Variants in FIGN observed in about 807,000 individuals in gnomAD.
The protein encoded by FIGN is fidgetin.
Under a neutral mutation model 51.3 loss-of-function variants are expected in FIGN, and 11 were observed. That is an observed-to-expected ratio of 0.21 (90% CI 0.13 to 0.35). The LOEUF (loss-of-function observed/expected upper bound fraction) is 0.35. Ranked by LOEUF, FIGN falls within the 10% of genes least tolerant of loss-of-function variation. The pLI, the probability that FIGN is intolerant of heterozygous loss-of-function variation, is 1.00. For missense variants in FIGN, 857 were observed against 943.6 expected, an observed-to-expected ratio of 0.91 and a Z score of 1.20; for synonymous variants, 407 against 363.2, an observed-to-expected ratio of 1.12 and a Z score of -1.37.
intron 2 of FIGN, among the ~76,000 whole-genome samples, chr2:163,621,375 T>C (rs1199133415): frequency 1.3e-5 from 2 of 152,170 alleles, no homozygotes; most frequent in African/African-American, 4.8e-5. Context: ...CTGGGTGACA[T>C]AGTGCATTAA....
chr2:163,687,745 T>C (rs952931569), intron 2 of FIGN, among the ~76,000 whole-genome samples: 1 of 152,202 alleles, frequency 6.6e-6, no homozygotes, highest in African/African-American at 2.4e-5. Flanking sequence ...TTTATCCTAA[T>C]GCTAATTCAT....
intron 2 of FIGN, among the ~76,000 whole-genome samples, chr2:163,716,174 T>C (rs902636316): frequency 1.3e-5 from 2 of 152,210 alleles, no homozygotes; most frequent in African/African-American, 4.8e-5. Flanking sequence ...ATCAAGTTTT[T>C]AGGCAAATGT....
At chr2:163,686,391 T>C (rs1195979447) in intron 2 of FIGN, among the ~76,000 whole-genome samples, 1 of 152,142 alleles carries the variant, frequency 6.6e-6, no homozygotes, top group Non-Finnish European at 1.5e-5. Flanking sequence ...AGCTTTTCTG[T>C]GGCATGGCAG....
chr2:163,712,956 T>C (rs1374572069), intron 2 of FIGN, among the ~76,000 whole-genome samples: 1 of 152,206 alleles, frequency 6.6e-6, no homozygotes, highest in East Asian at 1.9e-4. Flanking sequence ...CATTTTCACC[T>C]CATGACAGAC....
intron 2 of FIGN, among the ~76,000 whole-genome samples, chr2:163,686,803 T>C (rs1342443774): frequency 6.7e-6 from 1 of 149,786 alleles, no homozygotes; most frequent in Admixed American, 6.7e-5. Flanking sequence ...CACATATATA[T>C]ATATTCTTTT....
At position 163,617,273 on chromosome 2, in the gene FIGN, A is replaced by G. The variant is rs1682894148; in HGVS notation, c.26-5467T>C. On this transcript the variant is annotated intron_variant, in intron 2 of 2. Coordinates refer to ENST00000333129, the MANE Select transcript of FIGN (RefSeq NM_018086.4). ...ATTTTGTTCCATCTTTAGAGGACCA[A>G]AATTAGAAGATTTTATAAGCTGAAT... The G allele has an allele frequency of 3.1e-6, 3 of 976,704 alleles. No homozygotes were observed. The Admixed American group carries it at 1.8e-4, about 60-fold the overall frequency. 60.5% of individuals were successfully genotyped at this position (976,704 alleles called of 1,614,324 possible). A position where few individuals can be genotyped will look rare whatever the true frequency, so the allele number is the denominator to read the frequency against.
In FIGN at chr2:163,610,870, A is replaced by G; in HGVS notation, c.962T>C (p.Phe321Ser). 2 of 1,614,000 alleles carry G rather than the reference A, an allele frequency of 1.2e-6. No individual in the cohort carries two copies. The highest frequency in any genetic ancestry group is 1.7e-6 in the Non-Finnish European group (2 of 1,179,986). The change falls in exon 3 of 3, where the codon TTC (phenylalanine) becomes TCC (serine). Residue 321 changes from phenylalanine (F) to serine (S), a missense_variant. This residue lies in a region of FIGN where 799 missense variants were observed against 849.5 expected (regional missense o/e 0.94). Coordinates refer to ENST00000333129, the MANE Select transcript of FIGN (RefSeq NM_018086.4). ...SSASSLKRKAFYMAGQGDMDS... is the reference protein window; with the variant it reads ...SSASSLKRKASYMAGQGDMDS... ...CATATCTCCTTGCCCTGCCATGTAG[A>G]AAGCTTTCCTTTTGAGAGAACTTGC...
chr2:163,661,643 G>T (rs1683685959), intron 2 of FIGN, among the ~76,000 whole-genome samples: 1 of 152,184 alleles, frequency 6.6e-6, no homozygotes, highest in Admixed American at 6.5e-5. Flanking sequence ...AACTTGAATT[G>T]TATCTTTCAG....
At chr2:163,712,577 A>G (rs1156678728) in intron 2 of FIGN, among the ~76,000 whole-genome samples, 1 of 152,216 alleles carries the variant, frequency 6.6e-6, no homozygotes, top group Non-Finnish European at 1.5e-5. Flanking sequence ...TAATACACGA[A>G]CACCTAAACT....
intron 2 of FIGN, among the ~76,000 whole-genome samples, chr2:163,732,288 C>T (rs1465002197): frequency 6.6e-6 from 1 of 151,970 alleles, no homozygotes; most frequent in East Asian, 1.9e-4. Context: ...ACAATAGAGA[C>T]GATGTGTACA....
chr2:163,628,429 C>G (rs1345080870), intron 2 of FIGN, among the ~76,000 whole-genome samples: 2 of 152,086 alleles, frequency 1.3e-5, no homozygotes, highest in Non-Finnish European at 2.9e-5. Context: ...GAAGATAGGA[C>G]AGAAGTATAT....
At chr2:163,714,348 A>G (rs1684636217) in intron 2 of FIGN, among the ~76,000 whole-genome samples, 1 of 152,176 alleles carries the variant, frequency 6.6e-6, no homozygotes, top group African/African-American at 2.4e-5. Context: ...AGTAAGCAGC[A>G]TGTTTCTGTC....
intron 2 of FIGN, among the ~76,000 whole-genome samples, chr2:163,733,237 G>C (rs552446980): frequency 6.6e-6 from 1 of 152,212 alleles, no homozygotes; most frequent in African/African-American, 2.4e-5. Flanking sequence ...AGACTTAAGA[G>C]GGGGGCAATT....
chr2:163,629,138 A>G (rs1181255513), intron 2 of FIGN, among the ~76,000 whole-genome samples: 1 of 152,172 alleles, frequency 6.6e-6, no homozygotes, highest in Non-Finnish European at 1.5e-5. Flanking sequence ...GTAGAATGAG[A>G]TAAGAATAAA....
intron 2 of FIGN, among the ~76,000 whole-genome samples, chr2:163,656,684 C>T (rs556217001): frequency 2.0e-4 from 30 of 152,190 alleles, no homozygotes; most frequent in East Asian, 5.8e-4. Flanking sequence ...TTGCTTCTAA[C>T]GGGCATTATT....
At chr2:163,692,291 T>C (rs1257053232) in intron 2 of FIGN, among the ~76,000 whole-genome samples, 3 of 152,192 alleles carry the variant, frequency 2.0e-5, no homozygotes, top group Non-Finnish European at 4.4e-5. Context: ...TAACTGGAAG[T>C]ACCAGTAGGA....
intron 2 of FIGN, among the ~76,000 whole-genome samples, chr2:163,654,122 TC>T (rs1313518192): frequency 6.6e-6 from 1 of 152,116 alleles, no homozygotes; most frequent in Non-Finnish European, 1.5e-5. Flanking sequence ...AATAAGAGCT[TC>T]CCCATATAAT....
At chr2:163,657,191 AAAT>A (rs970762654) in intron 2 of FIGN, among the ~76,000 whole-genome samples, 6 of 152,038 alleles carry the variant, frequency 3.9e-5, no homozygotes, top group African/African-American at 1.4e-4. Context: ...GACCAAAAAG[AAAT>A]AATATTTCCA....
intron 2 of FIGN, among the ~76,000 whole-genome samples, chr2:163,625,191 AC>A (rs1283920981): frequency 1.3e-5 from 2 of 151,980 alleles, no homozygotes; most frequent in South Asian, 4.1e-4. Context: ...GTATTCCTAT[AC>A]TTCAGAAAAA....
Sources: gnomAD v4.1 joint callset for allele counts (sites outside exome capture counted in the v4.1 genomes callset) on GRCh38, gnomAD v4.1.1 for gene constraint, gnomAD v4.1.1 regional missense constraint, MANE v1.5 for transcripts, NCBI Gene and HGNC (gene_info 2026-07-23, HGNC 2026-07-21) for gene names.